Variants in CPZ observed in about 807,000 individuals in gnomAD.
CPZ encodes the protein carboxypeptidase Z, also known as VEZT/CPZ fusion.
A neutral mutation model predicts 61.8 loss-of-function variants in CPZ; 103 were observed. The ratio of observed to expected loss-of-function variants is 1.67; its 90% CI spans 1.42 to 1.96. The LOEUF (loss-of-function observed/expected upper bound fraction) is 1.96. CPZ is among the 30% of genes most tolerant of loss of function. The pLI is 0.00. For synonymous variants in CPZ, 551 were observed against 373.7 expected, an observed-to-expected ratio of 1.47 and a Z score of -5.47; for missense variants, 1,461 against 914.9, an observed-to-expected ratio of 1.60 and a Z score of -7.70.
intron 7 of CPZ, chr4:8,611,331 T>G: frequency 2.2e-6 from 1 of 451,058 alleles, no homozygotes; most frequent in Admixed American, 2.4e-5. Flanking sequence ...GGACTCTGCC[T>G]GGGGGATGGG....
rs1716492452 is a variant in CPZ, at chr4:8,619,436, A to T, written c.1778A>T (p.His593Leu). The change falls in exon 11 of 11, where the codon CAT becomes CTT. Residue 593 changes from histidine to leucine, a missense_variant. Physicochemically the swap from His to Leu is moderately conservative, Grantham distance 99 (BLOSUM62 -3). Coordinates refer to ENST00000360986, the MANE Select transcript of CPZ (RefSeq NM_001014447.3). ...GGGATGGGACCCAAGAACTTTATTC[A>T]TGGGCTGCGGAGGACTGGGCCCCAC... ...PLGMGPKNFI[H>L]GLRRTGPHDP... 5.6e-6 allele frequency: 9 copies of T among 1,613,870 alleles called. No homozygotes were observed. Among genetic ancestry groups the T allele is most frequent in the Non-Finnish European group, 7.6e-6 (9 of 1,179,896 alleles).
intron 1 of CPZ, 47 bp from the exon 2 acceptor site, chr4:8,599,406 A>G: frequency 1.3e-6 from 2 of 1,559,664 alleles, no homozygotes; most frequent in Non-Finnish European, 1.7e-6. Context: ...CCGGTGAGTG[A>G]AGGATGGCGA....
chr4:8,593,652 A>G (rs1482751665), intron 1 of CPZ, among the ~76,000 whole-genome samples: 1 of 151,932 alleles, frequency 6.6e-6, no homozygotes, highest in African/African-American at 2.4e-5. Flanking sequence ...CTCCTGCGGG[A>G]GTGGGGCCGT....
At chr4:8,615,882 C>T (rs1673638170) in intron 9 of CPZ, among the ~76,000 whole-genome samples, 2 of 152,228 alleles carry the variant, frequency 1.3e-5, no homozygotes, top group Non-Finnish European at 2.9e-5. Flanking sequence ...CAAAGCCCCA[C>T]ACAAAGTAAA....
intron 6 of CPZ, 58 bp from the exon 7 acceptor site, chr4:8,607,188 GGGCTGCTGAAGCCCAGGGCAT>G: frequency 6.7e-7 from 1 of 1,501,284 alleles, no homozygotes; most frequent in Admixed American, 2.0e-5. Flanking sequence ...GGAGCCCAGA[GGGCTGCTGAAGCCCAGGGCAT>G]GGCTGCGGGC....
Position 8,599,445 on chromosome 4 carries a change from C to G in CPZ, c.89-8C>G, listed in dbSNP as rs759674551. On this transcript the variant is annotated splice_region_variant and splice_polypyrimidine_tract_variant and intron_variant, in intron 1 of 10. Transcript: ENST00000360986. ...AGGTCCCTAACAGTGCCATGTCTCTCTTTCCAGGTGAATGCCACAGGCCAC... is the reference window on the plus strand; with the variant it reads ...AGGTCCCTAACAGTGCCATGTCTCTGTTTCCAGGTGAATGCCACAGGCCAC... The G allele has an allele frequency of 6.2e-7, 1 of 1,607,860 alleles. No homozygotes were observed. Among genetic ancestry groups the G allele is most frequent in the Non-Finnish European group, 8.5e-7 (1 of 1,176,374 alleles).
At chr4:8,611,303 C>T (rs973101005) in intron 7 of CPZ, 1 of 455,936 alleles carries the variant, frequency 2.2e-6, no homozygotes, top group Admixed American at 2.3e-5. Context: ...CCCAGAGCCC[C>T]CACAAAGGAG....
chr4:8,598,097 C>T (rs1324474739), intron 1 of CPZ, among the ~76,000 whole-genome samples: 6 of 152,222 alleles, frequency 3.9e-5, no homozygotes, highest in South Asian at 2.1e-4. Context: ...GCCCGGAGAG[C>T]GCTGTGTGGA....
At chr4:8,617,657 C>T (rs1227831745) in intron 9 of CPZ, among the ~76,000 whole-genome samples, 1 of 152,116 alleles carries the variant, frequency 6.6e-6, no homozygotes, top group Non-Finnish European at 1.5e-5. Flanking sequence ...GCTGCTGAGC[C>T]CCGTGCAGGG....
intron 9 of CPZ, 117 bp from the exon 10 acceptor site, chr4:8,618,312 T>G (rs1182903816): frequency 1.8e-5 from 16 of 870,256 alleles, no homozygotes; most frequent in Admixed American, 6.1e-5. Context: ...TGGGGCTCTG[T>G]GGGGTAGTTC....
intron 7 of CPZ, among the ~76,000 whole-genome samples, chr4:8,608,988 ATTCACTCTTTCACTTG>A (rs1406759535): frequency 1.0e-5 from 1 of 98,688 alleles, no homozygotes; most frequent in Non-Finnish European, 2.1e-5. Flanking sequence ...TCTTCCACCC[ATTCACTCTTTCACTTG>A]TTCATCATTC....
At chr4:8,609,233 GTC>G (rs1715414120) in intron 7 of CPZ, among the ~76,000 whole-genome samples, 2 of 24,382 alleles carry the variant, frequency 8.2e-5, no homozygotes, top group African/African-American at 3.6e-4. Context: ...CTCACTCATT[GTC>G]ACTCATTCAC....
intron 8 of CPZ, among the ~76,000 whole-genome samples, chr4:8,613,068 A>C (rs1255930604): frequency 1.3e-5 from 2 of 151,694 alleles, no homozygotes; most frequent in African/African-American, 4.8e-5. Context: ...CCCCCGTCAT[A>C]GCCCTGTGAC....
chr4:8,611,074 ATT>A (rs1715627651), intron 7 of CPZ: 3 of 361,450 alleles, frequency 8.3e-6, no homozygotes, highest in African/African-American at 4.4e-5. Flanking sequence ...TCATTCACTC[ATT>A]CATTCGCTCA....
chr4:8,594,632 G>A lies in CPZ; in HGVS notation c.88+1711G>A, dbSNP rs73088274. The stretch of plus-strand genomic sequence containing the variant: ...AATGCTGCCACCTCGTGGTTAAGAG[G>A]CTTAGAACTATTTCAAAAGCCGCTT... On this transcript the variant is annotated intron_variant, in intron 1 of 10. Transcript: ENST00000360986. Among the ~76,000 whole-genome samples the A allele has an allele frequency of 1.7e-3, 261 of 152,288 alleles. 1 individual carries two copies. The highest frequency in any genetic ancestry group is 6.1e-3 in the African/African-American group (253 of 41,552).
rs1051042264 is a variant in CPZ at position 8,598,491 on chromosome 4, G to A, written c.89-962G>A. 5.9e-4 allele frequency among the ~76,000 whole-genome samples: 90 copies of A among 152,340 alleles called. 2 individuals carry two copies. Among genetic ancestry groups the A allele is most frequent in the Non-Finnish European group, 8.8e-5 (6 of 68,036 alleles). ...CAGGCAGGCCTTTTCCTCTGCTCCAGCCTGCTTGCCCCCTTCTCCCTGGCC... is the reference window on the plus strand; with the variant it reads ...CAGGCAGGCCTTTTCCTCTGCTCCAACCTGCTTGCCCCCTTCTCCCTGGCC... On this transcript the variant is annotated intron_variant, in intron 1 of 10. Transcript: ENST00000360986.
At chr4:8,609,470 C>T (rs7692629) in intron 7 of CPZ, among the ~76,000 whole-genome samples, 19,300 of 152,242 alleles carry the variant, frequency 0.13, 3,025 homozygotes, top group African/African-American at 0.37. Flanking sequence ...ACCAAGGGTG[C>T]GAGGGGTGAG....
At chr4:8,601,015 C>T in intron 2 of CPZ, 108 bp from the exon 3 acceptor site, 2 of 1,437,746 alleles carry the variant, frequency 1.4e-6, no homozygotes, top group South Asian at 1.6e-5. Context: ...CCGTGGGTGC[C>T]CCTCCCTGCA....
chr4:8,613,479 A>C lies in CPZ; in HGVS notation c.1364-880A>C, dbSNP rs1715887857. Among the ~76,000 whole-genome samples, 6 of 152,234 alleles carry C rather than the reference A, an allele frequency of 3.9e-5. No homozygotes were observed. In the South Asian group the frequency reaches 1.2e-3, roughly 32 times the overall value. On this transcript the variant is annotated intron_variant, in intron 8 of 10. Coordinates refer to ENST00000360986, the MANE Select transcript of CPZ (RefSeq NM_001014447.3). Reference sequence around the variant, plus strand: ...GCCCTGGGAAAGCATGAAGCCGGGGACCAGAGCTAGCTGGACCAGAGAGAC... The same window carrying C: ...GCCCTGGGAAAGCATGAAGCCGGGGCCCAGAGCTAGCTGGACCAGAGAGAC...
Sources: allele counts gnomAD v4.1 joint callset (sites outside exome capture counted in the v4.1 genomes callset), GRCh38; gene constraint gnomAD v4.1.1; transcripts MANE v1.5; gene names NCBI Gene and HGNC (gene_info 2026-07-23, HGNC 2026-07-21).